Variants in ZWILCH observed in about 807,000 individuals in gnomAD.
ZWILCH encodes protein zwilch homolog.
ZWILCH carries 74 observed loss-of-function variants against 79.9 expected under a neutral mutation model. That is an observed-to-expected ratio of 0.93 (90% CI 0.77 to 1.12). The LOEUF is 1.12. ZWILCH is among the 50% of genes most tolerant of loss of function. ZWILCH has a pLI of 0.00. For synonymous variants in ZWILCH, 241 were observed against 228.2 expected, an observed-to-expected ratio of 1.06 and a Z score of -0.51; for missense variants, 694 against 687.5, an observed-to-expected ratio of 1.01 and a Z score of -0.11.
At chr15:66,519,999 A>G (rs1894437110) in intron 5 of ZWILCH, among the ~76,000 whole-genome samples, 1 of 152,078 alleles carries the variant, frequency 6.6e-6, no homozygotes. Context: ...TTTAAGAGAC[A>G]GGGTCCCACT....
intron 8 of ZWILCH, among the ~76,000 whole-genome samples, chr15:66,524,761 GAGTA>G (rs1894615249): frequency 6.6e-6 from 1 of 152,012 alleles, no homozygotes; most frequent in Non-Finnish European, 1.5e-5. Flanking sequence ...TACTTCCTAT[GAGTA>G]AGTATTATTT....
intron 4 of ZWILCH, among the ~76,000 whole-genome samples, chr15:66,517,609 T>G (rs968575196): frequency 6.7e-6 from 1 of 149,842 alleles, no homozygotes; most frequent in African/African-American, 2.4e-5. Context: ...AATCTGGAAA[T>G]CTAACATTAT....
At chr15:66,528,708 A>G in intron 10 of ZWILCH, 144 bp from the exon 11 acceptor site, 2 of 620,806 alleles carry the variant, frequency 3.2e-6, no homozygotes, top group South Asian at 2.1e-5. Flanking sequence ...GTATCTCCTC[A>G]TTAGTGAATG....
chr15:66,520,622 C>G lies in ZWILCH; in HGVS notation c.553C>G (p.Leu185Val). The G allele has an allele frequency of 6.4e-7, 1 of 1,551,558 alleles. No individual in the cohort carries two copies. Among genetic ancestry groups the G allele is most frequent in the Non-Finnish European group, 8.9e-7 (1 of 1,128,982 alleles). The change falls in exon 6 of 19, where the codon CTA becomes GTA. Residue 185 changes from leucine to valine, a missense_variant. Physicochemically the swap from Leu to Val is conservative, Grantham distance 32. Transcript: ENST00000307897. ...DKNYSVNLEN[L>V]KNLHKKRHHL... The stretch of plus-strand genomic sequence containing the variant: ...AAATTATTCTGTAAATCTTGAAAAC[C>G]TAAAAAATTTACACAAGAAAAGACA...
chr15:66,531,503 C>T (rs950238031), intron 12 of ZWILCH, among the ~76,000 whole-genome samples: 1 of 151,956 alleles, frequency 6.6e-6, no homozygotes, highest in Non-Finnish European at 1.5e-5. Context: ...CTCTATTGCC[C>T]AGGCTGGAGT....
chr15:66,519,773 C>T (rs561731698), intron 5 of ZWILCH, among the ~76,000 whole-genome samples: 579 of 152,244 alleles, frequency 3.8e-3, no homozygotes, highest in Middle Eastern at 0.014. Context: ...CATGAGCCAC[C>T]GTGCCCAACT....
At chr15:66,510,400 T>A (rs7173153) in intron 2 of ZWILCH, among the ~76,000 whole-genome samples, 113,108 of 138,910 alleles carry the variant, frequency 0.81, 45,096 homozygotes, top group East Asian at 0.93. Context: ...AAAAAAAAAA[T>A]ATCAATGAGA....
At chr15:66,529,641 G>C in intron 12 of ZWILCH, 68 bp downstream of exon 12, 1 of 1,201,192 alleles carries the variant, frequency 8.3e-7, no homozygotes, top group Non-Finnish European at 1.2e-6. Context: ...CACAGGCTCT[G>C]AAGCCAACTG....
rs748063852 is a variant in ZWILCH, at chr15:66,520,579, A to G, written c.521-11A>G. On this transcript the variant is annotated splice_polypyrimidine_tract_variant and intron_variant, in intron 5 of 18. Transcript: ENST00000307897. The stretch of plus-strand genomic sequence containing the variant: ...TTGTGCCTTTACATTTCTTTCTTTC[A>G]TTTCCTATAGCTGATAAAAATTATT... 3 of 1,390,912 alleles carry G rather than the reference A, an allele frequency of 2.2e-6. No individual in the cohort carries two copies. Among genetic ancestry groups the G allele is most frequent in the African/African-American group, 1.4e-5 (1 of 69,948 alleles). The allele number at this position is 1,390,912 out of a possible 1,614,324, so 86.2% of individuals were successfully genotyped here.
Position 66,528,895 on chromosome 15 carries a change from G to A in ZWILCH, c.1013G>A (p.Arg338His), listed in dbSNP as rs375472609. The stretch of plus-strand genomic sequence containing the variant: ...GCTGCAGTCGATCGTTCCGTCAAGC[G>A]TCTTTTCAAAGTTCGGAGTGATCTT... ...DTAAVDRSVK[R>H]LFKVRSDLDF... Residue 338 changes from arginine to histidine, a missense_variant, in exon 11 of 19, where the codon CGT (arginine) becomes CAT (histidine). Physicochemically the swap from Arg to His is conservative, Grantham distance 29. Coordinates refer to ENST00000307897, the MANE Select transcript of ZWILCH (RefSeq NM_017975.5). The A allele has an allele frequency of 6.8e-6, 11 of 1,613,988 alleles. No individual in the cohort carries two copies. Among genetic ancestry groups the A allele is most frequent in the African/African-American group, 6.7e-5 (5 of 74,916 alleles).
chr15:66,524,083 A>G (rs1207972031), intron 8 of ZWILCH, among the ~76,000 whole-genome samples: 1 of 152,154 alleles, frequency 6.6e-6, no homozygotes, highest in Non-Finnish European at 1.5e-5. Flanking sequence ...CTTTGTGGCT[A>G]TTATGAATAA....
chr15:66,528,625 A>G (rs1233211034), intron 10 of ZWILCH, among the ~76,000 whole-genome samples: 2 of 152,116 alleles, frequency 1.3e-5, no homozygotes, highest in Non-Finnish European at 2.9e-5. Flanking sequence ...ACATGGAGGG[A>G]AAGCTGAATG....
Position 66,527,912 on chromosome 15 carries a change from G to A in ZWILCH, c.969G>A (p.Glu323=). 6.3e-7 allele frequency: 1 copy of A among 1,597,370 alleles called. No homozygotes were observed. Among genetic ancestry groups the A allele is most frequent in the Non-Finnish European group, 8.5e-7 (1 of 1,175,416 alleles). ...CTACAAAAAAAGACACTGAGGTTGAGGTAAGTGATTATTATCAGTTAGAAA... is the reference window on the plus strand; with the variant it reads ...CTACAAAAAAAGACACTGAGGTTGAAGTAAGTGATTATTATCAGTTAGAAA... ...GDSTKKDTEV[E]TLKHDTAAVD... The change falls in exon 10 of 19, where the codon GAG becomes GAA. Residue 323 remains glutamate (E), a splice_region_variant and synonymous_variant. Coordinates refer to ENST00000307897, the MANE Select transcript of ZWILCH (RefSeq NM_017975.5).
intron 9 of ZWILCH, 39 bp downstream of exon 9, chr15:66,527,422 CTATGTTT>C: frequency 6.9e-7 from 1 of 1,448,578 alleles, no homozygotes; most frequent in Non-Finnish European, 9.7e-7. Flanking sequence ...TTTATACTTG[CTATGTTT>C]AAATATAAGT....
chr15:66,540,378 C>T (rs1447533737), intron 17 of ZWILCH, among the ~76,000 whole-genome samples, 168 bp downstream of exon 17: 1 of 151,912 alleles, frequency 6.6e-6, no homozygotes. Flanking sequence ...ATGGTGAAAC[C>T]CCATCTCTAC....
chr15:66,544,485 A>G (rs1380033108), intron 17 of ZWILCH, among the ~76,000 whole-genome samples: 1 of 151,664 alleles, frequency 6.6e-6, no homozygotes, highest in Non-Finnish European at 1.5e-5. Flanking sequence ...GGTGGGCGCC[A>G]TCATGCCTGC....
chr15:66,525,756 C>CTTTTTTTTTTTTT (rs66835007), intron 8 of ZWILCH, among the ~76,000 whole-genome samples: 2 of 93,480 alleles, frequency 2.1e-5, no homozygotes, highest in African/African-American at 8.6e-5. Flanking sequence ...TCACATTTTT[C>CTTTTTTTTTTTTT]TTTTTTTTTT....
chr15:66,530,238 G>T (rs1198786070), intron 12 of ZWILCH, among the ~76,000 whole-genome samples: 1 of 152,092 alleles, frequency 6.6e-6, no homozygotes, highest in Non-Finnish European at 1.5e-5. Context: ...TTGATAAAAA[G>T]GAATATACAC....
chr15:66,530,831 C>T (rs1226375586), intron 12 of ZWILCH, among the ~76,000 whole-genome samples: 1 of 152,104 alleles, frequency 6.6e-6, no homozygotes, highest in Non-Finnish European at 1.5e-5. Flanking sequence ...GAACAAGGTA[C>T]ATTCCAGAGT....
Sources: allele counts gnomAD v4.1 joint callset (sites outside exome capture counted in the v4.1 genomes callset), GRCh38; gene constraint gnomAD v4.1.1; transcripts MANE v1.5; gene names NCBI Gene and HGNC (gene_info 2026-07-23, HGNC 2026-07-21).